The following INVS variants were observed in gnomAD, a reference collection of about 807,000 sequenced individuals.
INVS encodes the protein inversin.
Under a neutral mutation model 108.8 loss-of-function variants are expected in INVS, and 86 were observed. The ratio of observed to expected loss-of-function variants is 0.79; its 90% CI spans 0.66 to 0.95. The LOEUF (loss-of-function observed/expected upper bound fraction) is 0.95. Ranked by LOEUF, INVS falls within the 40% of genes least tolerant of loss-of-function variation. INVS has a pLI of 0.00. For synonymous variants in INVS, 455 were observed against 473.5 expected, an observed-to-expected ratio of 0.96 and a Z score of 0.51; for missense variants, 1,169 against 1,297.4, an observed-to-expected ratio of 0.90 and a Z score of 1.52.
At chr9:100,208,278 C>T (rs372346900) in intron 3 of INVS, among the ~76,000 whole-genome samples, 1 of 152,174 alleles carries the variant, frequency 6.6e-6, no homozygotes, top group Non-Finnish European at 1.5e-5. Context: ...AATTCAAGCA[C>T]TCACTGTGAG....
chr9:100,160,105 G>C (rs916708820), intron 3 of INVS, among the ~76,000 whole-genome samples: 4 of 152,164 alleles, frequency 2.6e-5, no homozygotes, highest in African/African-American at 9.7e-5. Flanking sequence ...TGAAGACTAT[G>C]AAGAGAACCT....
At chr9:100,217,917 C>T (rs185809135) in intron 3 of INVS, among the ~76,000 whole-genome samples, 9 of 152,120 alleles carry the variant, frequency 5.9e-5, no homozygotes, top group Admixed American at 2.6e-4. Context: ...CTGATATTTG[C>T]GACCTATATA....
chr9:100,235,371 T>C (rs1029814878), intron 5 of INVS, among the ~76,000 whole-genome samples: 1 of 152,128 alleles, frequency 6.6e-6, no homozygotes, highest in Non-Finnish European at 1.5e-5. Flanking sequence ...TTTACATTTA[T>C]GGTTAATATT....
intron 5 of INVS, among the ~76,000 whole-genome samples, chr9:100,232,678 A>G (rs1313740959): frequency 6.6e-6 from 1 of 151,980 alleles, no homozygotes; most frequent in Non-Finnish European, 1.5e-5. Context: ...GTGTGACATT[A>G]TTTCTGAGGC....
intron 3 of INVS, among the ~76,000 whole-genome samples, chr9:100,161,749 G>A (rs770672270): frequency 2.6e-5 from 4 of 152,216 alleles, no homozygotes; most frequent in East Asian, 1.9e-4. Flanking sequence ...GTCAGGCTTC[G>A]CTTAGGTTGA....
In INVS at chr9:100,302,116, C is replaced by T; in HGVS notation, c.*1442C>T. ...AAAGTTCAGCTTTAATGACAAAGAT[C>T]TATTACATCAGTCTTTTTCTTCAAA... is the stretch of plus-strand genomic sequence containing the variant. On this transcript the variant is annotated 3_prime_UTR_variant, in exon 17 of 17. Coordinates refer to ENST00000262457, the MANE Select transcript of INVS (RefSeq NM_014425.5). The T allele has an allele frequency of 1.2e-6, 1 of 856,458 alleles. No individual in the cohort carries two copies. Among genetic ancestry groups the T allele is most frequent in the East Asian group, 2.6e-5 (1 of 39,002 alleles). The allele number at this position is 856,458 out of a possible 1,614,324, so 53.1% of individuals were successfully genotyped here.
At chr9:100,185,520 T>TATATATATAA (rs1830030344) in intron 3 of INVS, among the ~76,000 whole-genome samples, 3 of 16,512 alleles carry the variant, frequency 1.8e-4, no homozygotes, top group Admixed American at 1.0e-3. Flanking sequence ...CATAGAAATA[T>TATATATATAA]ATATATATAT....
intron 3 of INVS, among the ~76,000 whole-genome samples, chr9:100,223,176 G>T (rs936723459): frequency 5.3e-5 from 8 of 151,582 alleles, no homozygotes; most frequent in Non-Finnish European, 8.8e-5. Flanking sequence ...GCTTACTGGA[G>T]CCTCCGCTTC....
intron 2 of INVS, among the ~76,000 whole-genome samples, chr9:100,125,270 A>C (rs963049276): frequency 2.0e-5 from 3 of 152,198 alleles, no homozygotes; most frequent in African/African-American, 7.2e-5. Context: ...CGGTCTCTAT[A>C]GTGTCCAGTG....
intron 15 of INVS, among the ~76,000 whole-genome samples, chr9:100,297,519 C>T (rs2118784362): frequency 6.6e-6 from 1 of 152,274 alleles, no homozygotes; most frequent in East Asian, 1.9e-4. Flanking sequence ...CTGCCTGTAT[C>T]ACTTTGACTT....
rs1564138793 is a variant in INVS at position 100,161,388 on chromosome 9, A to AAAAAAAAAAAAAC, written c.273+34843_273+34844insAAAAAAAACAAAA. On this transcript the variant is annotated intron_variant, in intron 3 of 16. Coordinates refer to ENST00000262457, the MANE Select transcript of INVS (RefSeq NM_014425.5). ...TCAAAAAAAAAAAAAAAAAAAAAAA[A>AAAAAAAAAAAAAC]AAAACCTCATAAATTGAGTGTTGTG... 1.6e-4 allele frequency among the ~76,000 whole-genome samples: 22 copies of AAAAAAAAAAAAAC among 139,026 alleles called. 1 individual carries two copies. The highest frequency in any genetic ancestry group is 4.7e-4 in the African/African-American group (16 of 34,002). The allele number at this position is 139,026 out of a possible 152,430, so 91.2% of individuals were successfully genotyped here.
At position 100,295,542 on chromosome 9, in the gene INVS, T is replaced by C. The variant is rs913664075; in HGVS notation, c.2787-1375T>C. On this transcript the variant is annotated intron_variant, in intron 14 of 16. Coordinates refer to ENST00000262457, the MANE Select transcript of INVS (RefSeq NM_014425.5). ...TAAGCAGTGAGGGCTGGGGCAGGGGTCAGGGCTGGACACTAAGTGTTCAGT... is the reference window on the plus strand; with the variant it reads ...TAAGCAGTGAGGGCTGGGGCAGGGGCCAGGGCTGGACACTAAGTGTTCAGT... Among the ~76,000 whole-genome samples, 7 of 151,748 alleles carry C rather than the reference T, an allele frequency of 4.6e-5. No homozygotes were observed. In the East Asian group the frequency reaches 1.2e-3, roughly 25 times the overall value.
intron 3 of INVS, among the ~76,000 whole-genome samples, chr9:100,204,521 T>A (rs1459382515): frequency 6.6e-6 from 1 of 152,164 alleles, no homozygotes; most frequent in Non-Finnish European, 1.5e-5. Context: ...ACAGTTCAAG[T>A]ATGTGCAAAG....
intron 3 of INVS, among the ~76,000 whole-genome samples, chr9:100,156,359 C>G (rs1410315904): frequency 6.8e-6 from 1 of 146,684 alleles, no homozygotes; most frequent in African/African-American, 2.6e-5. Context: ...CTCCTGGGTT[C>G]AAGCAATTCT....
chr9:100,271,493 A>G (rs908723757), intron 11 of INVS, among the ~76,000 whole-genome samples: 3 of 152,256 alleles, frequency 2.0e-5, no homozygotes, highest in African/African-American at 4.8e-5. Flanking sequence ...GAGCAGATCT[A>G]TAAGATAAAT....
intron 3 of INVS, among the ~76,000 whole-genome samples, chr9:100,185,639 G>A (rs978387984): frequency 2.0e-5 from 3 of 149,778 alleles, no homozygotes; most frequent in Non-Finnish European, 4.4e-5. Flanking sequence ...AGATTTTAGT[G>A]CACCCATCAC....
At chr9:100,132,747 A>G (rs1378375161) in intron 3 of INVS, among the ~76,000 whole-genome samples, 1 of 150,988 alleles carries the variant, frequency 6.6e-6, no homozygotes, top group Non-Finnish European at 1.5e-5. Flanking sequence ...TACTGTACTC[A>G]CATTCTCTTT....
chr9:100,229,870 T>G, intron 5 of INVS, 43 bp downstream of exon 5: 1 of 1,590,332 alleles, frequency 6.3e-7, no homozygotes, highest in Non-Finnish European at 8.6e-7. Context: ...CCTTGAAATT[T>G]TTTTATTATG....
intron 7 of INVS, among the ~76,000 whole-genome samples, chr9:100,245,888 G>A (rs988011462): frequency 6.6e-6 from 1 of 152,140 alleles, no homozygotes; most frequent in African/African-American, 2.4e-5. Context: ...TTATGGGCCA[G>A]GTACAGTGGC....
Sources: gnomAD v4.1 joint callset for allele counts (sites outside exome capture counted in the v4.1 genomes callset) on GRCh38, gnomAD v4.1.1 for gene constraint, MANE v1.5 for transcripts, NCBI Gene and HGNC (gene_info 2026-07-23, HGNC 2026-07-21) for gene names.